DECR2: variants seen among roughly 807,000 people sequenced by gnomAD.
DECR2 encodes the protein peroxisomal 2,4-dienoyl-CoA reductase [(3E)-enoyl-CoA-producing].
In DECR2, 34 loss-of-function variants were observed where a neutral mutation model predicts 29.2. The observed-to-expected ratio is 1.16, with a 90% CI of 0.89 to 1.55. DECR2 has a LOEUF of 1.55. DECR2 is among the 40% of genes most tolerant of loss of function. DECR2 has a pLI of 0.00. For synonymous variants in DECR2, 224 were observed against 182.7 expected, an observed-to-expected ratio of 1.23 and a Z score of -1.82; for missense variants, 485 against 425.3, an observed-to-expected ratio of 1.14 and a Z score of -1.23.
At chr16:408,758 C>T (rs2054774130) in intron 4 of DECR2, among the ~76,000 whole-genome samples, 1 of 151,720 alleles carries the variant, frequency 6.6e-6, no homozygotes, top group African/African-American at 2.4e-5. Context: ...CTCAAGCAAT[C>T]TTCCTGCCTT....
chr16:410,279 T>C lies in DECR2; in HGVS notation c.374T>C (p.Leu125Ser). 1.2e-6 allele frequency: 2 copies of C among 1,613,694 alleles called. No individual in the cohort carries two copies. The highest frequency in any genetic ancestry group is 1.7e-6 in the Non-Finnish European group (2 of 1,179,868). Residue 125 changes from leucine to serine, a missense_variant, in exon 5 of 9, where the codon TTG becomes TCG. Coordinates refer to ENST00000219481, the MANE Select transcript of DECR2 (RefSeq NM_020664.4). The surrounding 1 kb of genome is among the most constrained non-coding windows in gnomAD (Gnocchi z 4.1). ...AGNFLCPAGA[L>S]SFNAFKTVMD... ...AACTTCCTGTGCCCCGCTGGCGCCT[T>C]GTCCTTCAACGCCTTCAAGACCGTG...
At position 410,801 on chromosome 16, in the gene DECR2, C is replaced by A. The variant is rs776712367; in HGVS notation, c.556+17C>A. ...CCGCTGTGGGTATGACCACCCCCCCCCGCCCAGGTTTGCCCACGTGGGTCC... is the reference window on the plus strand; with the variant it reads ...CCGCTGTGGGTATGACCACCCCCCCACGCCCAGGTTTGCCCACGTGGGTCC... On this transcript the variant is annotated intron_variant, in intron 6 of 8. Transcript: ENST00000219481. This position sits in a 1 kb window ranked among gnomAD's most constrained non-coding sequence, Gnocchi z 4.1. The A allele has an allele frequency of 4.5e-6, 7 of 1,567,638 alleles. No homozygotes were observed. The highest frequency in any genetic ancestry group is 5.2e-6 in the Non-Finnish European group (6 of 1,157,206).
At chr16:402,179 C>CTT (rs541347056) in intron 1 of DECR2, 136 bp downstream of exon 1, 1,455 of 543,154 alleles carry the variant, frequency 2.7e-3, no homozygotes, top group African/African-American at 3.3e-3. Context: ...TTTTTTCTTT[C>CTT]TTTTTTTTTT....
intron 2 of DECR2, among the ~76,000 whole-genome samples, chr16:406,000 C>T (rs956151690): frequency 6.6e-5 from 10 of 152,230 alleles, no homozygotes; most frequent in African/African-American, 2.4e-4. Context: ...CAGTCCTCCA[C>T]GCCAGCCCCA....
At chr16:402,668 A>C (rs1163701317) in intron 1 of DECR2, among the ~76,000 whole-genome samples, 1 of 151,478 alleles carries the variant, frequency 6.6e-6, no homozygotes, top group Admixed American at 6.6e-5. Context: ...TCAATTGGCA[A>C]CATTTTCAAG....
At chr16:411,311 G>T in intron 7 of DECR2, 50 bp from the exon 8 acceptor site, 1 of 1,534,226 alleles carries the variant, frequency 6.5e-7, no homozygotes, top group Non-Finnish European at 8.8e-7. Flanking sequence ...GAGAGGGGAG[G>T]GTGCTGGGTC....
chr16:405,811 T>C (rs2054717475), intron 2 of DECR2: 2 of 362,498 alleles, frequency 5.5e-6, no homozygotes, highest in Admixed American at 7.4e-5. Flanking sequence ...GGAATTTGTT[T>C]AGGATAACAT....
At chr16:403,508 T>C (rs539028590) in intron 1 of DECR2, among the ~76,000 whole-genome samples, 1 of 152,282 alleles carries the variant, frequency 6.6e-6, no homozygotes, top group African/African-American at 2.4e-5. Flanking sequence ...GTATCATATT[T>C]GATATTAGTG....
In DECR2 at chr16:406,244, G is replaced by A. The variant is rs1010481769; in HGVS notation, c.150-102G>A. The A allele has an allele frequency of 1.0e-5, 13 of 1,285,808 alleles. No homozygotes were observed. In the Admixed American group the frequency reaches 2.0e-4, roughly 20 times the overall value. The allele number at this position is 1,285,808 out of a possible 1,614,324, so 79.6% of individuals were successfully genotyped here. ...CTCTGCCAGCTGGGCCTTCAGCCTG[G>A]ACTGGTACTTCCGCCTGAGAGACTC... On this transcript the variant is annotated intron_variant, in intron 2 of 8. Coordinates refer to ENST00000219481, the MANE Select transcript of DECR2 (RefSeq NM_020664.4).
chr16:402,257 C>T (rs2054676100), intron 1 of DECR2, among the ~76,000 whole-genome samples: 1 of 151,626 alleles, frequency 6.6e-6, no homozygotes, highest in Admixed American at 6.6e-5. Flanking sequence ...TCACTGCAAA[C>T]TCTGCCTCCC....
At chr16:406,661 C>A in intron 3 of DECR2, 1 of 625,032 alleles carries the variant, frequency 1.6e-6, no homozygotes, top group Non-Finnish European at 2.8e-6. Context: ...CCACGCCTGG[C>A]TAATTTTTGC....
In DECR2 at chr16:405,265, G is replaced by T. The variant is rs1466145018; in HGVS notation, c.149+241G>T. The stretch of plus-strand genomic sequence containing the variant: ...GTGGCTCTGGTCTGGGGCCTGCTGG[G>T]ACCTCGAGAGTCAGGGCTGTGTCGG... On this transcript the variant is annotated intron_variant, in intron 2 of 8. Coordinates refer to ENST00000219481, the MANE Select transcript of DECR2 (RefSeq NM_020664.4). 3 of 603,816 alleles carry T rather than the reference G, an allele frequency of 5.0e-6. No homozygotes were observed. The East Asian group carries it at 8.5e-5, about 17-fold the overall frequency. 37.4% of individuals were successfully genotyped at this position (603,816 alleles called of 1,614,324 possible).
chr16:411,145 C>G, intron 7 of DECR2, 69 bp downstream of exon 7: 1 of 1,408,540 alleles, frequency 7.1e-7, no homozygotes, highest in Non-Finnish European at 9.4e-7. Flanking sequence ...CATGAAGCTT[C>G]CAGAACCTTG....
chr16:402,973 C>G (rs1461732640), intron 1 of DECR2: 11 of 952,448 alleles, frequency 1.2e-5, no homozygotes, highest in Non-Finnish European at 1.4e-5. Context: ...AGTGAAACTC[C>G]ATCTCAAAAA....
chr16:407,553 CATT>C lies in DECR2; in HGVS notation c.332_334del (p.Ile111del). ...AGGAGTTTGGCAGAATCGACATTCT[CATT>C]AACTGTGAGTCGGTGCTGAGTGAGG... On this transcript the variant is annotated inframe_deletion, in exon 4 of 9. Coordinates refer to ENST00000219481, the MANE Select transcript of DECR2 (RefSeq NM_020664.4). The C allele has an allele frequency of 1.2e-6, 2 of 1,613,904 alleles. No individual in the cohort carries two copies. The highest frequency in any genetic ancestry group is 1.7e-6 in the Non-Finnish European group (2 of 1,179,872).
intron 3 of DECR2, 50 bp downstream of exon 3, chr16:406,447 T>C: frequency 6.3e-7 from 1 of 1,584,760 alleles, no homozygotes. Context: ...GTGGGGGGGC[T>C]GGGGCTGGGC....
chr16:411,893 T>A lies in DECR2; in HGVS notation c.*4T>A, dbSNP rs961714304. 6 of 351,736 alleles carry A rather than the reference T, an allele frequency of 1.7e-5. No homozygotes were observed. Among genetic ancestry groups the A allele is most frequent in the Non-Finnish European group, 3.1e-5 (6 of 194,076 alleles). 21.8% of individuals were successfully genotyped at this position (351,736 alleles called of 1,614,324 possible). ...CTAAGTTCTGAAACTCCTGCAGGAA[T>A]CTTCCGGCCGCTGCTTCCTGCCGCC... On this transcript the variant is annotated 3_prime_UTR_variant, in exon 9 of 9. Coordinates refer to ENST00000219481, the MANE Select transcript of DECR2 (RefSeq NM_020664.4).
chr16:405,110 T>G (rs1488885601), intron 2 of DECR2, 86 bp downstream of exon 2: 1 of 1,529,848 alleles, frequency 6.5e-7, no homozygotes, highest in African/African-American at 1.4e-5. Flanking sequence ...AAGATGTTGG[T>G]GGGAGGTAGA....
At position 401,960 on chromosome 16, in the gene DECR2, C is replaced by T; in HGVS notation, c.-4C>T. 2 of 1,484,520 alleles carry T rather than the reference C, an allele frequency of 1.3e-6. No homozygotes were observed. Among genetic ancestry groups the T allele is most frequent in the Non-Finnish European group, 8.9e-7 (1 of 1,124,870 alleles). 92.0% of individuals were successfully genotyped at this position (1,484,520 alleles called of 1,614,324 possible). ...TTGTCCCCGCAGTCCCCGACGGGAGCGCCATGGCCCAGCCGCCGCCCGACG... is the reference window on the plus strand; with the variant it reads ...TTGTCCCCGCAGTCCCCGACGGGAGTGCCATGGCCCAGCCGCCGCCCGACG... On this transcript the variant is annotated 5_prime_UTR_variant, in exon 1 of 9. Coordinates refer to ENST00000219481, the MANE Select transcript of DECR2 (RefSeq NM_020664.4).
Sources: gnomAD v4.1 joint callset for allele counts (sites outside exome capture counted in the v4.1 genomes callset) on GRCh38, gnomAD v4.1.1 for gene constraint, Gnocchi (gnomAD v3.1) non-coding constraint, MANE v1.5 for transcripts, NCBI Gene and HGNC (gene_info 2026-07-23, HGNC 2026-07-21) for gene names.